CDC42BPB: variants seen among roughly 807,000 people sequenced by gnomAD.
The protein encoded by CDC42BPB is serine/threonine-protein kinase MRCK beta.
Under a neutral mutation model 214.9 loss-of-function variants are expected in CDC42BPB, and 37 were observed. The observed-to-expected ratio is 0.17, with a 90% CI of 0.13 to 0.23. CDC42BPB has a LOEUF of 0.23. CDC42BPB is among the 10% of genes least tolerant of loss of function. The pLI, the probability that CDC42BPB is intolerant of heterozygous loss-of-function variation, is 1.00. For synonymous variants in CDC42BPB, 931 were observed against 884.0 expected (o/e 1.05, Z -0.94); for missense variants, 1,694 against 2,227.0 (o/e 0.76, Z 4.82).
Position 102,972,045 on chromosome 14 carries a change from C to T in CDC42BPB, c.1758G>A (p.Glu586=), listed in dbSNP as rs1893497396. The change falls in exon 13 of 37, where the codon GAG becomes GAA. Residue 586 remains glutamate, a synonymous_variant. Coordinates refer to ENST00000361246, the MANE Select transcript of CDC42BPB (RefSeq NM_006035.4). ...ACACCTTCTGCTTCTGGGCACGGAG[C>T]TCTGCCATGCGCTCGTTCAGCTCCG... The part of the protein sequence containing the change: ...EFSELNERMA[E]LRAQKQKVSR... 2 of 1,614,172 alleles carry T rather than the reference C, an allele frequency of 1.2e-6. No individual in the cohort carries two copies. The highest frequency in any genetic ancestry group is 2.7e-5 in the African/African-American group (2 of 74,960).
chr14:102,996,169 C>T (rs1235579032), intron 5 of CDC42BPB, among the ~76,000 whole-genome samples: 2 of 152,060 alleles, frequency 1.3e-5, no homozygotes, highest in African/African-American at 4.8e-5. Flanking sequence ...GAAACCCCAT[C>T]TCTACTAAAA....
At position 103,004,955 on chromosome 14, in the gene CDC42BPB, C is replaced by T. The variant is rs1895167301; in HGVS notation, c.352-932G>A. Among the ~76,000 whole-genome samples the T allele has an allele frequency of 6.6e-6, 1 of 151,936 alleles. No individual in the cohort carries two copies. The highest frequency in any genetic ancestry group is 2.1e-4 in the South Asian group (1 of 4,806). ...GGCCGAGGTGGGTGGATCACGAGGT[C>T]AGGAGATCAAGACCATCCTGGCTAA... On this transcript the variant is annotated intron_variant, in intron 3 of 36. Coordinates refer to ENST00000361246, the MANE Select transcript of CDC42BPB (RefSeq NM_006035.4). This position sits in a 1 kb window ranked among gnomAD's most constrained non-coding sequence, Gnocchi z 5.3.
chr14:102,947,529 G>A (rs1892237913), intron 27 of CDC42BPB, among the ~76,000 whole-genome samples, 192 bp downstream of exon 27: 1 of 152,174 alleles, frequency 6.6e-6, no homozygotes, highest in Non-Finnish European at 1.5e-5. Flanking sequence ...AGCCAGCCAG[G>A]AGGCTCCCCG....
At chr14:102,935,783 A>G (rs1891625138) in intron 36 of CDC42BPB, among the ~76,000 whole-genome samples, 1 of 151,666 alleles carries the variant, frequency 6.6e-6, no homozygotes, top group Non-Finnish European at 1.5e-5. Flanking sequence ...AAAAAAAAAA[A>G]AGACATTAAT....
chr14:102,939,572 G>A, intron 34 of CDC42BPB, 38 bp downstream of exon 34: 2 of 1,434,628 alleles, frequency 1.4e-6, no homozygotes, highest in Non-Finnish European at 2.0e-6. Context: ...AGGAGGAGAT[G>A]GGGTGCCCTG....
At chr14:102,996,100 G>GATTACAA (rs1350668162) in intron 5 of CDC42BPB, among the ~76,000 whole-genome samples, 2 of 152,256 alleles carry the variant, frequency 1.3e-5, no homozygotes, top group Non-Finnish European at 2.9e-5. Flanking sequence ...AGCACTTTGG[G>GATTACAA]AGGCCGAGGC....
intron 8 of CDC42BPB, among the ~76,000 whole-genome samples, chr14:102,979,702 G>A (rs1471614102): frequency 2.0e-5 from 3 of 152,180 alleles, no homozygotes; most frequent in Admixed American, 6.5e-5. Context: ...AAGCAACGAA[G>A]AAGATTTTCC....
Position 102,933,076 on chromosome 14 carries a change from T to C in CDC42BPB, c.*636A>G, listed in dbSNP as rs1260341251. 6.6e-6 allele frequency: 1 copy of C among 152,460 alleles called. No individual in the cohort carries two copies. Among genetic ancestry groups the C allele is most frequent in the Non-Finnish European group, 1.5e-5 (1 of 68,036 alleles). The allele number at this position is 152,460 out of a possible 1,614,324, so 9.4% of individuals were successfully genotyped here. On this transcript the variant is annotated 3_prime_UTR_variant, in exon 37 of 37. Coordinates refer to ENST00000361246, the MANE Select transcript of CDC42BPB (RefSeq NM_006035.4). Reference sequence around the variant, plus strand: ...CTGACTTCACAGTAGTAGATACTGGTGACACTTCATGGCTGCGACCCAGAA... The same window carrying C: ...CTGACTTCACAGTAGTAGATACTGGCGACACTTCATGGCTGCGACCCAGAA...
chr14:102,994,093 G>A (rs536290725), intron 5 of CDC42BPB, among the ~76,000 whole-genome samples: 1 of 152,184 alleles, frequency 6.6e-6, no homozygotes, highest in African/African-American at 2.4e-5. Flanking sequence ...GAGGCGCCGA[G>A]ACACGCCACA....
chr14:102,954,177 G>A (rs1473158821), intron 23 of CDC42BPB, 21 bp downstream of exon 23: 6 of 1,503,468 alleles, frequency 4.0e-6, no homozygotes, highest in Middle Eastern at 1.7e-4. Flanking sequence ...AAGGCGCCCC[G>A]GGTGAAAGCA....
intron 29 of CDC42BPB, among the ~76,000 whole-genome samples, 176 bp downstream of exon 29, chr14:102,945,486 G>A (rs560845309): frequency 2.4e-4 from 37 of 152,378 alleles, no homozygotes; most frequent in East Asian, 1.5e-3. Flanking sequence ...GATGTGATAC[G>A]CAACTTAGCA....
intron 19 of CDC42BPB, among the ~76,000 whole-genome samples, chr14:102,963,887 C>G (rs1893068060): frequency 1.3e-5 from 2 of 152,242 alleles, no homozygotes; most frequent in Admixed American, 6.5e-5. Flanking sequence ...GAGACACTGT[C>G]CCTTCCAGGT....
At chr14:102,934,333 G>A (rs539869016) in intron 36 of CDC42BPB, among the ~76,000 whole-genome samples, 1 of 152,264 alleles carries the variant, frequency 6.6e-6, no homozygotes, top group East Asian at 1.9e-4. Context: ...AGGAGATTGG[G>A]ACCATCCTGG....
chr14:102,974,747 G>A (rs1893658751), intron 11 of CDC42BPB, among the ~76,000 whole-genome samples: 1 of 152,160 alleles, frequency 6.6e-6, no homozygotes, highest in South Asian at 2.1e-4. Flanking sequence ...CACGAGGTCA[G>A]GAGATCGAGA....
intron 1 of CDC42BPB, chr14:103,041,929 C>T: frequency 1.3e-5 from 5 of 396,092 alleles, no homozygotes; most frequent in South Asian, 4.3e-5. Flanking sequence ...ACCGGTCATG[C>T]CCATCCCAAA....
At chr14:103,041,877 C>A (rs570341061) in intron 1 of CDC42BPB, 6 of 424,422 alleles carry the variant, frequency 1.4e-5, no homozygotes, top group African/African-American at 1.0e-4. Flanking sequence ...GGAAGGGAGA[C>A]AGTTCTGCTG....
intron 1 of CDC42BPB, among the ~76,000 whole-genome samples, chr14:103,025,876 T>TA (rs932688912): frequency 4.6e-4 from 68 of 147,938 alleles, no homozygotes; most frequent in Admixed American, 1.7e-3. Context: ...TATGTGAAGC[T>TA]AAAAAAAAAC....
intron 11 of CDC42BPB, 185 bp from the exon 12 acceptor site, chr14:102,974,334 A>G: frequency 1.0e-6 from 1 of 984,060 alleles, no homozygotes; most frequent in South Asian, 4.7e-5. Flanking sequence ...TCATAGGCAC[A>G]GCTACCTGCA....
At position 103,004,848 on chromosome 14, in the gene CDC42BPB, G is replaced by A. The variant is rs34988088; in HGVS notation, c.352-825C>T. On this transcript the variant is annotated intron_variant, in intron 3 of 36. Transcript: ENST00000361246. This position sits in a 1 kb window ranked among gnomAD's most constrained non-coding sequence, Gnocchi z 5.3. ...TGCATCACCGTACTCCAGCCTGGAC[G>A]ACAGAGCCAGACTCCATCTCAAAAA... 5.0e-3 allele frequency among the ~76,000 whole-genome samples: 756 copies of A among 151,690 alleles called. 10 individuals are homozygous for A. Among genetic ancestry groups the A allele is most frequent in the African/African-American group, 0.017 (693 of 41,328 alleles).
Sources: gnomAD v4.1 joint callset for allele counts (sites outside exome capture counted in the v4.1 genomes callset) on GRCh38, gnomAD v4.1.1 for gene constraint, Gnocchi (gnomAD v3.1) non-coding constraint, MANE v1.5 for transcripts, NCBI Gene and HGNC (gene_info 2026-07-23, HGNC 2026-07-21) for gene names.